PTPRN2: variants seen among roughly 807,000 people sequenced by gnomAD.
The protein encoded by PTPRN2 is receptor-type tyrosine-protein phosphatase N2.
PTPRN2 carries 74 observed loss-of-function variants against 118.8 expected under a neutral mutation model. The ratio of observed to expected loss-of-function variants is 0.62; its 90% confidence interval spans 0.52 to 0.76. The LOEUF (loss-of-function observed/expected upper bound fraction) is 0.76. Ranked by LOEUF, PTPRN2 falls within the 30% of genes least tolerant of loss-of-function variation. The pLI is 0.00. For missense variants in PTPRN2, 1,481 were observed against 1,394.4 expected (o/e 1.06, Z -0.99); for synonymous variants, 641 against 608.0 (o/e 1.05, Z -0.80).
At chr7:157,775,204 G>A (rs371520631) in intron 12 of PTPRN2, among the ~76,000 whole-genome samples, 4 of 152,338 alleles carry the variant, frequency 2.6e-5, no homozygotes, top group Non-Finnish European at 4.4e-5. Flanking sequence ...TCTGCAGGAC[G>A]CCGTGTGTGG....
chr7:158,067,948 C>G (rs1056277940), intron 11 of PTPRN2, among the ~76,000 whole-genome samples: 1 of 152,142 alleles, frequency 6.6e-6, no homozygotes, highest in African/African-American at 2.4e-5. Context: ...TCGGGGCAGA[C>G]AGGGTGGGGT....
At chr7:157,556,203 A>G (rs974657961) in intron 21 of PTPRN2, among the ~76,000 whole-genome samples, 117 of 152,306 alleles carry the variant, frequency 7.7e-4, no homozygotes, top group African/African-American at 2.7e-3. Context: ...ACACGCATGC[A>G]GATACATGTA....
At chr7:158,459,400 C>A (rs1818791959) in intron 2 of PTPRN2, among the ~76,000 whole-genome samples, 1 of 150,804 alleles carries the variant, frequency 6.6e-6, no homozygotes, top group South Asian at 2.1e-4. Flanking sequence ...ATCCAGAGCC[C>A]TCGCCTGGGA....
intron 14 of PTPRN2, among the ~76,000 whole-genome samples, chr7:157,625,954 C>CAAAA (rs1425543107): frequency 6.6e-6 from 1 of 152,154 alleles, no homozygotes; most frequent in African/African-American, 2.4e-5. Flanking sequence ...GCAACCTTTT[C>CAAAA]CCCCAGTGCT....
chr7:158,315,534 A>G lies in PTPRN2; in HGVS notation c.277+1285T>C, dbSNP rs181635542. On this transcript the variant is annotated intron_variant, in intron 3 of 22. Transcript: ENST00000389418. ...GAGGTGAACCCGGGACCCCTGAAGG[A>G]CAGAGGTGAACCCGGGACCCCTGAA... is the stretch of plus-strand genomic sequence containing the variant. Among the ~76,000 whole-genome samples the G allele has an allele frequency of 2.5e-4, 37 of 150,928 alleles. 1 individual carries two copies. Among genetic ancestry groups the G allele is most frequent in the African/African-American group, 8.7e-4 (36 of 41,240 alleles).
intron 11 of PTPRN2, among the ~76,000 whole-genome samples, chr7:158,016,326 C>T (rs937781967): frequency 2.0e-5 from 3 of 152,174 alleles, no homozygotes. Context: ...GTCCTGTGCC[C>T]CGCCGGGCCC....
chr7:158,567,358 C>T (rs969107220), intron 1 of PTPRN2, among the ~76,000 whole-genome samples: 3 of 152,198 alleles, frequency 2.0e-5, no homozygotes, highest in East Asian at 3.9e-4. Flanking sequence ...ACAGGCCTGA[C>T]GAGGCCAGCC....
In PTPRN2 at chr7:157,787,039, C is replaced by A. The variant is rs1199752381; in HGVS notation, c.1789-104102G>T. ...GCGGACACAGGTGCGGCGGGGGACG[C>A]GGGGGTGGCTGCCCGGGAGGCGGAC... On this transcript the variant is annotated intron_variant, in intron 12 of 22. Transcript: ENST00000389418. This position sits in a 1 kb window ranked among gnomAD's most constrained non-coding sequence, Gnocchi z 5.3. 7.3e-6 allele frequency among the ~76,000 whole-genome samples: 1 copy of A among 137,680 alleles called. No homozygotes were observed. The allele number at this position is 137,680 out of a possible 152,430, so 90.3% of individuals were successfully genotyped here.
chr7:157,778,302 C>G (rs1321113957), intron 12 of PTPRN2, among the ~76,000 whole-genome samples: 1 of 152,142 alleles, frequency 6.6e-6, no homozygotes. Flanking sequence ...CCCACGTAAA[C>G]ATGTACATGT....
rs1307281507 is a variant in PTPRN2 at position 158,337,422 on chromosome 7, C to G, written c.164-20490G>C. Reference sequence around the variant, plus strand: ...TGCAGACGTCCCTCACACCCACACTCTCACCATAAGAGGTGACACCCACAG... The same window carrying G: ...TGCAGACGTCCCTCACACCCACACTGTCACCATAAGAGGTGACACCCACAG... On this transcript the variant is annotated intron_variant, in intron 2 of 22. Coordinates refer to ENST00000389418, the MANE Select transcript of PTPRN2 (RefSeq NM_002847.5). Among the ~76,000 whole-genome samples the G allele has an allele frequency of 3.5e-5, 5 of 144,506 alleles. No individual in the cohort carries two copies. In the South Asian group the frequency reaches 1.2e-3, roughly 34 times the overall value. The allele number at this position is 144,506 out of a possible 152,430, so 94.8% of individuals were successfully genotyped here. A position where few individuals can be genotyped will look rare whatever the true frequency, so the allele number is the denominator to read the frequency against.
chr7:158,485,743 C>T (rs1389402710), intron 2 of PTPRN2, among the ~76,000 whole-genome samples: 2 of 152,054 alleles, frequency 1.3e-5, no homozygotes, highest in Non-Finnish European at 2.9e-5. Context: ...AACATGCTCA[C>T]GTGAAAAACT....
At chr7:158,514,379 C>T (rs1398963008) in intron 1 of PTPRN2, among the ~76,000 whole-genome samples, 3 of 152,196 alleles carry the variant, frequency 2.0e-5, no homozygotes, top group African/African-American at 7.2e-5. Flanking sequence ...CAGCAAAGGG[C>T]ATTCCTCAGA....
intron 6 of PTPRN2, among the ~76,000 whole-genome samples, chr7:158,158,617 G>A (rs1822067907): frequency 7.1e-6 from 1 of 141,558 alleles, no homozygotes. Context: ...GTGAACTCGG[G>A]AGAATCAGGA....
intron 17 of PTPRN2, among the ~76,000 whole-genome samples, chr7:157,586,634 G>A (rs2150546671): frequency 6.6e-6 from 1 of 152,078 alleles, no homozygotes; most frequent in Admixed American, 6.5e-5. Flanking sequence ...CAGGGCCCCC[G>A]CTGCTGGACG....
At chr7:158,145,040 A>G (rs185134141) in intron 6 of PTPRN2, among the ~76,000 whole-genome samples, 8,379 of 139,846 alleles carry the variant, frequency 0.06, 532 homozygotes, top group African/African-American at 0.1. Context: ...CCAGAATACC[A>G]CGGCTCGGCA....
At chr7:157,998,106 G>T (rs1186385638) in intron 11 of PTPRN2, among the ~76,000 whole-genome samples, 2 of 136,592 alleles carry the variant, frequency 1.5e-5, no homozygotes, top group African/African-American at 2.9e-5. Context: ...TACAGGGCGA[G>T]GGGGAGAGGA....
chr7:157,812,692 C>A (rs1300583235), intron 12 of PTPRN2, among the ~76,000 whole-genome samples: 4 of 152,116 alleles, frequency 2.6e-5, no homozygotes, highest in African/African-American at 4.8e-5. Context: ...CCCTTGGTAG[C>A]CGGGTGCTGG....
chr7:157,822,403 C>A (rs1307110644), intron 12 of PTPRN2, among the ~76,000 whole-genome samples: 2 of 151,914 alleles, frequency 1.3e-5, no homozygotes, highest in Non-Finnish European at 2.9e-5. Flanking sequence ...TATATACTAT[C>A]CATTAACTAT....
At chr7:158,488,971 G>A (rs1002910227) in intron 2 of PTPRN2, among the ~76,000 whole-genome samples, 2 of 152,368 alleles carry the variant, frequency 1.3e-5, no homozygotes, top group Admixed American at 6.5e-5. Flanking sequence ...CCCGGGTGGC[G>A]TCTGCCCTGG....
Sources: gnomAD v4.1 joint callset for allele counts (sites outside exome capture counted in the v4.1 genomes callset) on GRCh38, gnomAD v4.1.1 for gene constraint, Gnocchi (gnomAD v3.1) non-coding constraint, MANE v1.5 for transcripts, NCBI Gene and HGNC (gene_info 2026-07-23, HGNC 2026-07-21) for gene names.